Variants in GBP4 observed in about 807,000 individuals in gnomAD.
The protein encoded by GBP4 is guanylate-binding protein 4.
In GBP4, 69 loss-of-function variants were observed where a neutral mutation model predicts 62.2. That is an observed-to-expected ratio of 1.11 (90% confidence interval 0.91 to 1.36). The LOEUF (loss-of-function observed/expected upper bound fraction) is 1.36. Ranked by LOEUF, GBP4 falls within the 40% of genes most tolerant of loss-of-function variation. The pLI, the probability that GBP4 is intolerant of heterozygous loss-of-function variation, is 0.00. For synonymous variants in GBP4, 278 were observed against 274.6 expected (o/e 1.01, Z -0.12); for missense variants, 697 against 759.3 (o/e 0.92, Z 0.96).
Position 89,182,841 on chromosome 1 carries a change from TG to T in GBP4, c.*2412del, listed in dbSNP as rs777574403. 6.6e-6 allele frequency: 1 copy of T among 152,230 alleles called. No individual in the cohort carries two copies. Among genetic ancestry groups the T allele is most frequent in the South Asian group, 2.1e-4 (1 of 4,836 alleles). The allele number at this position is 152,230 out of a possible 1,614,324, so 9.4% of individuals were successfully genotyped here. On this transcript the variant is annotated 3_prime_UTR_variant, in exon 11 of 11. Transcript: ENST00000355754. The stretch of plus-strand genomic sequence containing the variant: ...GGCCTGGCGCTGGGCTGCCTGTCTT[TG>T]GTTTTACTTCCTTGTTGTTTTTTCT...
At chr1:89,194,535 C>T (rs143369926) in intron 3 of GBP4, among the ~76,000 whole-genome samples, 99 of 152,268 alleles carry the variant, frequency 6.5e-4, no homozygotes, top group African/African-American at 2.2e-3. Flanking sequence ...CCCTCAACTC[C>T]CTTTTTTCAA....
rs1215426512 is a variant in GBP4, at chr1:89,184,830, C to T, written c.*424G>A. On this transcript the variant is annotated 3_prime_UTR_variant, in exon 11 of 11. Coordinates refer to ENST00000355754, the MANE Select transcript of GBP4 (RefSeq NM_052941.5). ...AGTTTACCTATGTAACAAACCTGCA[C>T]ATATACCCCTGAATCTAAAATAAAA... 6.4e-6 allele frequency: 1 copy of T among 155,336 alleles called. No individual in the cohort carries two copies. The highest frequency in any genetic ancestry group is 2.4e-5 in the African/African-American group (1 of 41,468). 9.6% of individuals were successfully genotyped at this position (155,336 alleles called of 1,614,324 possible). A position where few individuals can be genotyped will look rare whatever the true frequency, so the allele number is the denominator to read the frequency against.
chr1:89,197,458 G>A, intron 1 of GBP4, among the ~76,000 whole-genome samples, 154 bp from the exon 2 acceptor site: 1 of 151,096 alleles, frequency 6.6e-6, no homozygotes, highest in South Asian at 2.1e-4. Context: ...TACGTTTAAT[G>A]GTATATAAAA....
chr1:89,189,958 T>A, intron 7 of GBP4, 80 bp downstream of exon 7: 4 of 1,385,860 alleles, frequency 2.9e-6, no homozygotes, highest in Non-Finnish European at 4.0e-6. Context: ...GGTAAGGAGA[T>A]GAACCATGGG....
In GBP4 at chr1:89,195,436, A is replaced by G. The variant is rs778391057; in HGVS notation, c.236-12T>C. 76 of 1,613,232 alleles carry G rather than the reference A, an allele frequency of 4.7e-5. 1 individual carries two copies. Among genetic ancestry groups the G allele is most frequent in the Non-Finnish European group, 6.4e-5 (75 of 1,179,498 alleles). On this transcript the variant is annotated splice_polypyrimidine_tract_variant and intron_variant, in intron 2 of 10. Coordinates refer to ENST00000355754, the MANE Select transcript of GBP4 (RefSeq NM_052941.5). ...GCCCAGAGGGAAGCCTGCAGGGAAG[A>G]GGAAAAATAACAAACAGTAACAGTG...
At position 89,185,083 on chromosome 1, in the gene GBP4, G is replaced by A. The variant is rs1647995338; in HGVS notation, c.*171C>T. The A allele has an allele frequency of 2.1e-6, 1 of 486,834 alleles. No individual in the cohort carries two copies. The highest frequency in any genetic ancestry group is 2.0e-5 in the African/African-American group (1 of 50,050). 30.2% of individuals were successfully genotyped at this position (486,834 alleles called of 1,614,324 possible). ...TATTAGTTCAATCAAAATTAAGTTT[G>A]TTTTTTGTGGATGTCAGGCCCTGAT... is the stretch of plus-strand genomic sequence containing the variant. On this transcript the variant is annotated 3_prime_UTR_variant, in exon 11 of 11. Coordinates refer to ENST00000355754, the MANE Select transcript of GBP4 (RefSeq NM_052941.5).
In GBP4 at chr1:89,188,764, C is replaced by A. The variant is rs752514689; in HGVS notation, c.1228G>T (p.Val410Leu). ...DTIEKKKGDF[V>L]LQNEEASAKY... ...GCAGATGCCTCTTCATTCTGCAGCA[C>A]AAAGTCTCCCTTCTTTTTCTCTATG... Residue 410 changes from valine (V) to leucine (L), a missense_variant, in exon 8 of 11, where the codon GTG (valine) becomes TTG (leucine). Coordinates refer to ENST00000355754, the MANE Select transcript of GBP4 (RefSeq NM_052941.5). 3 of 1,614,266 alleles carry A rather than the reference C, an allele frequency of 1.9e-6. No homozygotes were observed. Among genetic ancestry groups the A allele is most frequent in the Non-Finnish European group, 2.5e-6 (3 of 1,180,050 alleles).
In GBP4 at chr1:89,186,322, C is replaced by T. The variant is rs373601177; in HGVS notation, c.1707+11G>A. 31 of 1,610,232 alleles carry T rather than the reference C, an allele frequency of 1.9e-5. No individual in the cohort carries two copies. The highest frequency in any genetic ancestry group is 8.0e-5 in the African/African-American group (6 of 74,828). On this transcript the variant is annotated intron_variant, in intron 10 of 10. Coordinates refer to ENST00000355754, the MANE Select transcript of GBP4 (RefSeq NM_052941.5). ...GTCCCTCAGGCACTGCCATTCTTCA[C>T]GGAGACTCACCTTCAGCTTGTGTTT...
chr1:89,183,276 A>G lies in GBP4; in HGVS notation c.*1978T>C, dbSNP rs923246717. 1.3e-5 allele frequency: 2 copies of G among 152,188 alleles called. No individual in the cohort carries two copies. The highest frequency in any genetic ancestry group is 4.8e-5 in the African/African-American group (2 of 41,444). The allele number at this position is 152,188 out of a possible 1,614,324, so 9.4% of individuals were successfully genotyped here. On this transcript the variant is annotated 3_prime_UTR_variant, in exon 11 of 11. Coordinates refer to ENST00000355754, the MANE Select transcript of GBP4 (RefSeq NM_052941.5). ...CCTACAATCATCTGATCTTGGACAAAGCTGACAAAAACAAGCAATGGGGAA... is the reference window on the plus strand; with the variant it reads ...CCTACAATCATCTGATCTTGGACAAGGCTGACAAAAACAAGCAATGGGGAA...
rs1437104807 is a variant in GBP4, at chr1:89,186,375, G to A, written c.1665C>T (p.Asn555=). 4 of 1,609,280 alleles carry A rather than the reference G, an allele frequency of 2.5e-6. No homozygotes were observed. The African/African-American group carries it at 4.0e-5, about 16-fold the overall frequency. The change falls in exon 10 of 11, where the codon AAC becomes AAT. Residue 555 remains asparagine (N), a synonymous_variant. Transcript: ENST00000355754. ...GCAGCCTTTCATGCTCTCTGAGAAG[G>A]TTTTCCCTTTCCTCCTCCAACTTCT... ...MEKKLEEERE[N]LLREHERLLK...
rs571747338 is a variant in GBP4 at position 89,188,304 on chromosome 1, C to T, written c.1410+278G>A. Among the ~76,000 whole-genome samples, 7 of 152,276 alleles carry T rather than the reference C, an allele frequency of 4.6e-5. No individual in the cohort carries two copies. In the South Asian group the frequency reaches 1.5e-3, roughly 32 times the overall value. On this transcript the variant is annotated intron_variant, in intron 8 of 10. Transcript: ENST00000355754. ...CATAGTTGTTTGCTTCATAAGGTAT[C>T]CTCTGCACTTAGCACAAAAACTATC...
At chr1:89,193,262 T>C (rs1399712294) in intron 4 of GBP4, 41 bp downstream of exon 4, 1 of 1,590,752 alleles carries the variant, frequency 6.3e-7, no homozygotes, top group Non-Finnish European at 8.6e-7. Flanking sequence ...CCCATTCCCC[T>C]AAACCCCATA....
chr1:89,190,777 A>C (rs1648161359), intron 6 of GBP4, among the ~76,000 whole-genome samples: 1 of 151,938 alleles, frequency 6.6e-6, no homozygotes, highest in East Asian at 1.9e-4. Flanking sequence ...AACATAAACC[A>C]TTGAACCAAG....
At chr1:89,186,871 A>C in intron 9 of GBP4, 129 bp downstream of exon 9, 1 of 794,982 alleles carries the variant, frequency 1.3e-6, no homozygotes, top group East Asian at 2.6e-5. Flanking sequence ...TCCAGAACTT[A>C]TTAATATTTT....
intron 10 of GBP4, among the ~76,000 whole-genome samples, chr1:89,185,731 C>T (rs1297566143): frequency 2.0e-5 from 3 of 152,168 alleles, no homozygotes; most frequent in Admixed American, 6.5e-5. Context: ...GAATGCCCTT[C>T]GAGAGGGAAT....
rs61798773 is a variant in GBP4 at position 89,182,567 on chromosome 1, C to T, written c.*2687G>A. ...CGCGATCTCGACTCACTGCAAGCTC[C>T]GCCTCCTGGGTTCACGCCATTCTCC... On this transcript the variant is annotated 3_prime_UTR_variant, in exon 11 of 11. Coordinates refer to ENST00000355754, the MANE Select transcript of GBP4 (RefSeq NM_052941.5). 5.9e-5 allele frequency: 9 copies of T among 151,398 alleles called. No individual in the cohort carries two copies. The highest frequency in any genetic ancestry group is 3.9e-4 in the East Asian group (2 of 5,170). 9.4% of individuals were successfully genotyped at this position (151,398 alleles called of 1,614,324 possible).
chr1:89,194,527 C>G (rs776438865), intron 3 of GBP4, among the ~76,000 whole-genome samples: 56 of 152,250 alleles, frequency 3.7e-4, no homozygotes, highest in Non-Finnish European at 7.1e-4. Context: ...GCTTCCTTCC[C>G]TCAACTCCCT....
In GBP4 at chr1:89,197,304, C is replaced by A. The variant is rs149002014; in HGVS notation, c.41G>T (p.Gly14Val). The A allele has an allele frequency of 2.2e-4, 348 of 1,611,846 alleles. 2 individuals are homozygous for A. Among genetic ancestry groups the A allele is most frequent in the Admixed American group, 1.0e-4 (6 of 59,776 alleles). ...CATGATGGATTCAGATTCTGGATAA[C>A]CTGTAACCCAGAAAAAAATACTCAG... ...RTLHAAVPTP[G>V]YPESESIMMA... Residue 14 changes from glycine to valine, a missense_variant and splice_region_variant, in exon 2 of 11, where the codon GGT becomes GTT. Gly to Val is a moderately radical substitution (Grantham distance 109). Coordinates refer to ENST00000355754, the MANE Select transcript of GBP4 (RefSeq NM_052941.5).
rs547506421 is a variant in GBP4 at position 89,197,115 on chromosome 1, C to T, written c.230G>A (p.Arg77His). ...TGTCCTAGGACCACACTCACCATTG[C>T]GCTTTCCTGCAAGACGATTCATGAG... is the stretch of plus-strand genomic sequence containing the variant. Reference protein sequence around the residue: ...SYLMNRLAGKRNGFPLGSTVQ... With the variant: ...SYLMNRLAGKHNGFPLGSTVQ... The change falls in exon 2 of 11, where the codon CGC (arginine) becomes CAC (histidine). Residue 77 changes from arginine to histidine, a missense_variant. By Grantham distance (29) the Arg-to-His change is conservative (BLOSUM62 0). Coordinates refer to ENST00000355754, the MANE Select transcript of GBP4 (RefSeq NM_052941.5). The T allele has an allele frequency of 2.4e-5, 39 of 1,610,728 alleles. No homozygotes were observed. Among genetic ancestry groups the T allele is most frequent in the East Asian group, 8.9e-5 (4 of 44,830 alleles).
Sources: allele counts gnomAD v4.1 joint callset (sites outside exome capture counted in the v4.1 genomes callset), GRCh38; gene constraint gnomAD v4.1.1; transcripts MANE v1.5; gene names NCBI Gene and HGNC (gene_info 2026-07-23, HGNC 2026-07-21).